ZCWPW2: variants seen among roughly 807,000 people sequenced by gnomAD.
ZCWPW2 encodes zinc finger CW-type and PWWP domain containing 2, also known as zinc finger CW-type PWWP domain protein 2.
A neutral mutation model predicts 46.6 loss-of-function variants in ZCWPW2; 45 were observed. The ratio of observed to expected loss-of-function variants is 0.96; its 90% confidence interval spans 0.76 to 1.24. The LOEUF is 1.24. Among genes scored for constraint, ZCWPW2 ranks in the 50% most tolerant of loss-of-function variants. The pLI, the probability that ZCWPW2 is intolerant of heterozygous loss-of-function variation, is 0.00. For synonymous variants in ZCWPW2, 152 were observed against 137.1 expected (o/e 1.11, Z -0.76); for missense variants, 429 against 403.9 (o/e 1.06, Z -0.53).
chr3:28,496,092 G>A (rs938616719), intron 6 of ZCWPW2, among the ~76,000 whole-genome samples: 12 of 151,968 alleles, frequency 7.9e-5, no homozygotes, highest in African/African-American at 2.9e-4. Flanking sequence ...TCATAGAATA[G>A]ACAAATTAAA....
rs571961711 is a variant in ZCWPW2 at position 28,452,153 on chromosome 3, C to A, written c.492+16884C>A. Among the ~76,000 whole-genome samples the A allele has an allele frequency of 1.8e-4, 28 of 152,262 alleles. No individual in the cohort carries two copies. In the South Asian group the frequency reaches 5.8e-3, roughly 32 times the overall value. ...AGAATAAAGTTGTCAAAGTGGTTAA[C>A]ATAGTGGTTAAAAAGGCAGACTCTA... On this transcript the variant is annotated intron_variant, in intron 4 of 9. Transcript: ENST00000383768.
chr3:28,397,696 A>G (rs1044854500), intron 2 of ZCWPW2, among the ~76,000 whole-genome samples: 2 of 152,224 alleles, frequency 1.3e-5, no homozygotes, highest in African/African-American at 2.4e-5. Flanking sequence ...TTAAATAAAA[A>G]TAACATGTAT....
At chr3:28,408,436 G>A (rs900773876) in intron 2 of ZCWPW2, among the ~76,000 whole-genome samples, 5 of 151,904 alleles carry the variant, frequency 3.3e-5, no homozygotes, top group African/African-American at 1.2e-4. Context: ...TATTAATATT[G>A]TCTAGTTTTT....
At chr3:28,357,897 A>T (rs1704802526) in intron 1 of ZCWPW2, among the ~76,000 whole-genome samples, 1 of 151,112 alleles carries the variant, frequency 6.6e-6, no homozygotes, top group Non-Finnish European at 1.5e-5. Flanking sequence ...TGTAGTAATT[A>T]CAAAATTAGA....
At chr3:28,455,376 G>A (rs1454068386) in intron 4 of ZCWPW2, among the ~76,000 whole-genome samples, 1 of 152,106 alleles carries the variant, frequency 6.6e-6, no homozygotes, top group Non-Finnish European at 1.5e-5. Flanking sequence ...CATAGATGGT[G>A]GATATTAGAC....
intron 6 of ZCWPW2, among the ~76,000 whole-genome samples, chr3:28,513,602 T>C (rs1483492372): frequency 6.6e-6 from 1 of 152,110 alleles, no homozygotes; most frequent in Non-Finnish European, 1.5e-5. Flanking sequence ...TATCTTTGCC[T>C]AGACATGAAA....
At chr3:28,467,472 T>C (rs1698870536) in intron 4 of ZCWPW2, among the ~76,000 whole-genome samples, 1 of 149,830 alleles carries the variant, frequency 6.7e-6, no homozygotes, top group Non-Finnish European at 1.5e-5. Flanking sequence ...CTACTGATTG[T>C]AGATCTCTAT....
At chr3:28,435,752 C>G (rs1406695226) in intron 4 of ZCWPW2, among the ~76,000 whole-genome samples, 1 of 152,084 alleles carries the variant, frequency 6.6e-6, no homozygotes, top group Non-Finnish European at 1.5e-5. Flanking sequence ...TCCGAAAGTG[C>G]TGGGATTACA....
At chr3:28,433,336 A>C (rs1450860572) in intron 3 of ZCWPW2, among the ~76,000 whole-genome samples, 1 of 152,188 alleles carries the variant, frequency 6.6e-6, no homozygotes, top group Non-Finnish European at 1.5e-5. Context: ...CTTCTGAGCC[A>C]TGACTGTGAT....
intron 4 of ZCWPW2, among the ~76,000 whole-genome samples, chr3:28,472,921 G>A (rs532171252): frequency 4.0e-5 from 6 of 151,838 alleles, no homozygotes; most frequent in African/African-American, 4.8e-5. Flanking sequence ...ATGGGCAAAC[G>A]ATTTGAATAG....
intron 6 of ZCWPW2, among the ~76,000 whole-genome samples, chr3:28,500,486 C>G (rs1259224484): frequency 1.3e-5 from 2 of 151,824 alleles, no homozygotes; most frequent in Non-Finnish European, 2.9e-5. Flanking sequence ...ATCTTTTTCC[C>G]TAACACTTAT....
intron 3 of ZCWPW2, among the ~76,000 whole-genome samples, chr3:28,431,240 C>T (rs988650518): frequency 6.6e-6 from 1 of 151,962 alleles, no homozygotes; most frequent in Non-Finnish European, 1.5e-5. Flanking sequence ...CATTTTTCCT[C>T]CTCTCAGTTG....
chr3:28,387,879 G>C (rs997350825), intron 1 of ZCWPW2, among the ~76,000 whole-genome samples: 1 of 152,144 alleles, frequency 6.6e-6, no homozygotes, highest in East Asian at 1.9e-4. Context: ...TTCAGTAAGA[G>C]AGTTTTATGG....
chr3:28,394,927 T>A (rs1296775487), intron 2 of ZCWPW2, among the ~76,000 whole-genome samples: 2 of 152,080 alleles, frequency 1.3e-5, no homozygotes, highest in East Asian at 3.9e-4. Context: ...AATTAAAGTG[T>A]ATCTGCTCAG....
chr3:28,362,193 A>G (rs771459471), intron 1 of ZCWPW2, among the ~76,000 whole-genome samples: 1 of 152,160 alleles, frequency 6.6e-6, no homozygotes, highest in Non-Finnish European at 1.5e-5. Flanking sequence ...TTCAGCCTTA[A>G]AAAAGTTTAG....
At chr3:28,475,548 A>C (rs778220666) in intron 4 of ZCWPW2, among the ~76,000 whole-genome samples, 1 of 152,212 alleles carries the variant, frequency 6.6e-6, no homozygotes, top group Non-Finnish European at 1.5e-5. Context: ...TTTCACTCAA[A>C]GTAGTAGCCA....
chr3:28,499,056 A>T (rs568755880), intron 6 of ZCWPW2, among the ~76,000 whole-genome samples: 4 of 152,192 alleles, frequency 2.6e-5, no homozygotes, highest in Admixed American at 6.6e-5. Context: ...ATTGATGGGC[A>T]TTTGGATTGG....
At chr3:28,505,311 G>A (rs763854128) in intron 6 of ZCWPW2, among the ~76,000 whole-genome samples, 4 of 152,078 alleles carry the variant, frequency 2.6e-5, no homozygotes, top group Non-Finnish European at 5.9e-5. Context: ...TTATTGCCAG[G>A]GACTGGTCTC....
chr3:28,357,579 G>T (rs1191605389), intron 1 of ZCWPW2, among the ~76,000 whole-genome samples: 5 of 151,766 alleles, frequency 3.3e-5, no homozygotes, highest in Non-Finnish European at 5.9e-5. Context: ...GAGAATTCGT[G>T]CTCTCTCTGC....
Sources: gnomAD v4.1 joint callset for allele counts (sites outside exome capture counted in the v4.1 genomes callset) on GRCh38, gnomAD v4.1.1 for gene constraint, MANE v1.5 for transcripts, NCBI Gene and HGNC (gene_info 2026-07-23, HGNC 2026-07-21) for gene names.